Variants in GABRG3 observed in about 807,000 individuals in gnomAD.
The protein encoded by GABRG3 is gamma-aminobutyric acid receptor subunit gamma-3.
In GABRG3, 25 loss-of-function variants were observed where a neutral mutation model predicts 48.8. That is an observed-to-expected ratio of 0.51 (90% confidence interval 0.37 to 0.72). GABRG3 has a LOEUF of 0.72. GABRG3 is among the 30% of genes least tolerant of loss of function. The probability of loss-of-function intolerance (pLI) is 0.00; values close to 1 mark genes in which losing one functional copy is unlikely to be tolerated. For missense variants in GABRG3, 394 were observed against 577.9 expected, an observed-to-expected ratio of 0.68 and a Z score of 3.26; for synonymous variants, 227 against 217.6, an observed-to-expected ratio of 1.04 and a Z score of -0.38.
chr15:27,449,781 C>T (rs1346050099), intron 5 of GABRG3, among the ~76,000 whole-genome samples: 4 of 152,178 alleles, frequency 2.6e-5, no homozygotes, highest in Non-Finnish European at 5.9e-5. Context: ...CTGAGTCGTA[C>T]GGCAGTCAAT....
intron 3 of GABRG3, among the ~76,000 whole-genome samples, chr15:27,232,677 G>T (rs2070867717): frequency 6.6e-6 from 1 of 152,188 alleles, no homozygotes; most frequent in Admixed American, 6.5e-5. Flanking sequence ...GAGACAACAA[G>T]GCCTGGCTGA....
intron 3 of GABRG3, among the ~76,000 whole-genome samples, chr15:27,237,374 T>C (rs1265061898): frequency 6.6e-6 from 1 of 152,110 alleles, no homozygotes; most frequent in Non-Finnish European, 1.5e-5. Context: ...AGATGGGAAA[T>C]CATCCTTCAT....
In GABRG3 at chr15:27,375,042, G is replaced by A. The variant is rs544240617; in HGVS notation, c.574+46154G>A. ...ACATGGAGAAAGGTGGATAATTTTG[G>A]GGGGGTGGGTAGTAAATGATTTTTA... On this transcript the variant is annotated intron_variant, in intron 5 of 9. Transcript: ENST00000615808. 4.6e-5 allele frequency among the ~76,000 whole-genome samples: 7 copies of A among 152,108 alleles called. No homozygotes were observed. In the South Asian group the frequency reaches 1.4e-3, roughly 31 times the overall value.
At chr15:27,194,321 A>G (rs554835109) in intron 3 of GABRG3, among the ~76,000 whole-genome samples, 3 of 152,324 alleles carry the variant, frequency 2.0e-5, no homozygotes, top group South Asian at 4.1e-4. Context: ...TGGATTGTCA[A>G]TTATATTTTT....
intron 3 of GABRG3, among the ~76,000 whole-genome samples, chr15:27,223,608 C>G (rs1230027729): frequency 6.6e-6 from 1 of 152,172 alleles, no homozygotes; most frequent in Non-Finnish European, 1.5e-5. Context: ...TGTAACACAG[C>G]CACTTCTCAC....
rs577883416 is a variant in GABRG3 at position 27,156,680 on chromosome 15, A to T, written c.270+129859A>T. ...ATGAAATGGATTTATATTTTAAAAA[A>T]TTTTCCTCAGCTCACTGTTTTCTTG... On this transcript the variant is annotated intron_variant, in intron 3 of 9. Coordinates refer to ENST00000615808, the MANE Select transcript of GABRG3 (RefSeq NM_033223.5). Among the ~76,000 whole-genome samples the T allele has an allele frequency of 1.1e-4, 16 of 152,272 alleles. 3 individuals carry two copies. Among genetic ancestry groups the T allele is most frequent in the African/African-American group, 3.9e-4 (16 of 41,536 alleles).
Position 27,088,371 on chromosome 15 carries a change from C to T in GABRG3, c.270+61550C>T, listed in dbSNP as rs150056695. On this transcript the variant is annotated intron_variant, in intron 3 of 9. Coordinates refer to ENST00000615808, the MANE Select transcript of GABRG3 (RefSeq NM_033223.5). ...GAAGCCCCAGGAGAAGGAAAGGGTGCGCTATTCAGAGGGCAGGCGCTCGTG... is the reference window on the plus strand; with the variant it reads ...GAAGCCCCAGGAGAAGGAAAGGGTGTGCTATTCAGAGGGCAGGCGCTCGTG... 1.0e-3 allele frequency among the ~76,000 whole-genome samples: 159 copies of T among 152,014 alleles called. No individual in the cohort carries two copies. In the East Asian group the frequency reaches 0.02, roughly 19 times the overall value.
At chr15:27,367,490 G>A (rs906874368) in intron 5 of GABRG3, among the ~76,000 whole-genome samples, 12 of 152,090 alleles carry the variant, frequency 7.9e-5, no homozygotes, top group African/African-American at 2.4e-4. Flanking sequence ...TTCCTAAAAG[G>A]TGTTTTATAT....
intron 3 of GABRG3, among the ~76,000 whole-genome samples, chr15:27,038,467 G>A (rs898616761): frequency 3.3e-5 from 5 of 152,130 alleles, no homozygotes; most frequent in African/African-American, 1.2e-4. Flanking sequence ...TGCCTCTCCT[G>A]TCCCGTGGTA....
chr15:27,497,217 G>T (rs1219648046), intron 6 of GABRG3, among the ~76,000 whole-genome samples: 1 of 152,112 alleles, frequency 6.6e-6, no homozygotes, highest in African/African-American at 2.4e-5. Flanking sequence ...GTTTTGCACT[G>T]GTTTATATTT....
chr15:27,139,969 G>A (rs1387037259), intron 3 of GABRG3, among the ~76,000 whole-genome samples: 2 of 152,302 alleles, frequency 1.3e-5, no homozygotes, highest in East Asian at 3.9e-4. Context: ...AAAGGATTGG[G>A]TTCAGAGAGC....
At chr15:27,280,875 C>A (rs570134104) in intron 3 of GABRG3, among the ~76,000 whole-genome samples, 5 of 152,186 alleles carry the variant, frequency 3.3e-5, no homozygotes, top group Non-Finnish European at 7.4e-5. Flanking sequence ...TTTATATTCT[C>A]ACTCATTTTT....
At chr15:27,394,003 G>A (rs1566821687) in intron 5 of GABRG3, among the ~76,000 whole-genome samples, 1 of 152,216 alleles carries the variant, frequency 6.6e-6, no homozygotes, top group Non-Finnish European at 1.5e-5. Flanking sequence ...CTTATAGACA[G>A]CATATAGTCT....
chr15:26,993,501 G>A (rs1056120908), intron 2 of GABRG3, among the ~76,000 whole-genome samples: 2 of 151,780 alleles, frequency 1.3e-5, no homozygotes, highest in South Asian at 2.1e-4. Context: ...ATTTCCATTT[G>A]TTCATATAGT....
intron 3 of GABRG3, among the ~76,000 whole-genome samples, chr15:27,190,004 T>C (rs1000269786): frequency 1.3e-5 from 2 of 152,222 alleles, no homozygotes; most frequent in African/African-American, 4.8e-5. Flanking sequence ...TTGTCTTTGG[T>C]TCTGTTTATA....
intron 3 of GABRG3, among the ~76,000 whole-genome samples, chr15:27,155,022 A>G (rs1898392917): frequency 6.6e-6 from 1 of 151,990 alleles, no homozygotes; most frequent in Non-Finnish European, 1.5e-5. Flanking sequence ...TCCATGACAC[A>G]AATACTAGAT....
chr15:27,476,994 A>G (rs1171929266), intron 5 of GABRG3, among the ~76,000 whole-genome samples: 2 of 152,250 alleles, frequency 1.3e-5, no homozygotes, highest in Non-Finnish European at 2.9e-5. Context: ...CATGGAAGCC[A>G]TTAAGAATAT....
At chr15:27,229,829 A>C (rs1485548979) in intron 3 of GABRG3, among the ~76,000 whole-genome samples, 1 of 152,092 alleles carries the variant, frequency 6.6e-6, no homozygotes, top group African/African-American at 2.4e-5. Flanking sequence ...GTGGCCTTGT[A>C]GTATAGTTTC....
intron 3 of GABRG3, among the ~76,000 whole-genome samples, chr15:27,054,704 C>T (rs1896511925): frequency 6.6e-6 from 1 of 152,294 alleles, no homozygotes; most frequent in African/African-American, 2.4e-5. Flanking sequence ...AGGGACGGTG[C>T]TTCAAAAGCA....
Sources: allele counts gnomAD v4.1 joint callset (sites outside exome capture counted in the v4.1 genomes callset), GRCh38; gene constraint gnomAD v4.1.1; transcripts MANE v1.5; gene names NCBI Gene and HGNC (gene_info 2026-07-23, HGNC 2026-07-21).